Variants in EGLN1 observed in about 807,000 individuals in gnomAD.
EGLN1 encodes the protein egl-9 family hypoxia inducible factor 1, also known as egl nine homolog 1.
Under a neutral mutation model 38.3 loss-of-function variants are expected in EGLN1, and 17 were observed. That is an observed-to-expected ratio of 0.44 (90% CI 0.30 to 0.67). EGLN1 has a LOEUF of 0.67. Ranked by LOEUF, EGLN1 falls within the 30% of genes least tolerant of loss-of-function variation. EGLN1 has a pLI of 0.08. For missense variants in EGLN1, 477 were observed against 603.3 expected, an observed-to-expected ratio of 0.79 and a Z score of 2.19; for synonymous variants, 283 against 257.5, an observed-to-expected ratio of 1.10 and a Z score of -0.95.
intron 1 of EGLN1, among the ~76,000 whole-genome samples, chr1:231,412,746 T>C (rs1688986266): frequency 6.6e-6 from 1 of 152,184 alleles, no homozygotes; most frequent in Non-Finnish European, 1.5e-5. Flanking sequence ...ATATAACTTT[T>C]TTCTTGTTGC....
chr1:231,390,082 T>C (rs897049485), intron 1 of EGLN1, among the ~76,000 whole-genome samples: 2 of 152,224 alleles, frequency 1.3e-5, no homozygotes, highest in African/African-American at 4.8e-5. Context: ...AACTTCTCTG[T>C]ACCTAACTAC....
intron 1 of EGLN1, among the ~76,000 whole-genome samples, chr1:231,379,691 T>C (rs1157127676): frequency 1.3e-5 from 2 of 152,114 alleles, no homozygotes; most frequent in African/African-American, 2.4e-5. Context: ...ATCCCAAAGA[T>C]GCACACATTG....
At chr1:231,368,175 A>C (rs1029744293) in intron 3 of EGLN1, among the ~76,000 whole-genome samples, 1 of 152,196 alleles carries the variant, frequency 6.6e-6, no homozygotes, top group African/African-American at 2.4e-5. Context: ...TAGGTGACAG[A>C]GTGAGCCTCC....
Position 231,396,212 on chromosome 1 carries a change from C to T in EGLN1, c.892-22113G>A, listed in dbSNP as rs535955404. On this transcript the variant is annotated intron_variant, in intron 1 of 4. Coordinates refer to ENST00000366641, the MANE Select transcript of EGLN1 (RefSeq NM_022051.3). ...TACACATCCCCACCCCCTTCCTCTACTGACCCAGGCAGTTTTTGTTTTTTC... is the reference window on the plus strand; with the variant it reads ...TACACATCCCCACCCCCTTCCTCTATTGACCCAGGCAGTTTTTGTTTTTTC... Among the ~76,000 whole-genome samples, 3 of 151,470 alleles carry T rather than the reference C, an allele frequency of 2.0e-5. No individual in the cohort carries two copies. In the East Asian group the frequency reaches 5.8e-4, roughly 29 times the overall value.
chr1:231,367,720 G>GTT lies in EGLN1; in HGVS notation c.1149-85_1149-84insAA. 2.5e-6 allele frequency: 3 copies of GTT among 1,182,486 alleles called. No individual in the cohort carries two copies. The South Asian group carries it at 3.7e-5, about 14-fold the overall frequency. 73.2% of individuals were successfully genotyped at this position (1,182,486 alleles called of 1,614,324 possible). On this transcript the variant is annotated intron_variant, in intron 3 of 4. Transcript: ENST00000366641. ...TTGCTGCAATGGTATATTAAAACTT[G>GTT]TAATGCCAAAATTATGCCTAAACTG...
intron 1 of EGLN1, among the ~76,000 whole-genome samples, chr1:231,401,087 T>C (rs113557821): frequency 2.6e-5 from 4 of 152,186 alleles, no homozygotes; most frequent in African/African-American, 9.6e-5. Flanking sequence ...ATTTCTGTAA[T>C]GCATACAGTG....
At chr1:231,388,893 G>C (rs889901344) in intron 1 of EGLN1, among the ~76,000 whole-genome samples, 2 of 152,118 alleles carry the variant, frequency 1.3e-5, no homozygotes, top group African/African-American at 4.8e-5. Flanking sequence ...AACCTCAGGC[G>C]ATCTGCCCAC....
chr1:231,421,395 G>C lies in EGLN1; in HGVS notation c.494C>G (p.Pro165Arg), dbSNP rs780171999. 7 of 1,603,486 alleles carry C rather than the reference G, an allele frequency of 4.4e-6. No homozygotes were observed. The African/African-American group carries it at 5.4e-5, about 12-fold the overall frequency. ...CAGCGCATCCCCGGGCGTGTTGCTT[G>C]GGGGGTACAGGTTCGCCTTCTCCTG... ...LFQEKANLYP[P>R]SNTPGDALSP... The change falls in exon 1 of 5, where the codon CCA becomes CGA. Residue 165 changes from proline (P) to arginine (R), a missense_variant. Pro to Arg is a moderately radical substitution (Grantham distance 103, BLOSUM62 -2). Transcript: ENST00000366641. This position sits in a 1 kb window ranked among gnomAD's most constrained non-coding sequence, Gnocchi z 5.5.
chr1:231,382,561 A>T (rs1043525767), intron 1 of EGLN1, among the ~76,000 whole-genome samples: 13 of 152,250 alleles, frequency 8.5e-5, no homozygotes, highest in African/African-American at 3.1e-4. Context: ...TACACACTGT[A>T]TAGGGACCAC....
At chr1:231,397,565 G>A (rs1688561546) in intron 1 of EGLN1, among the ~76,000 whole-genome samples, 1 of 152,192 alleles carries the variant, frequency 6.6e-6, no homozygotes, top group Non-Finnish European at 1.5e-5. Context: ...TTGAGTAGTT[G>A]CAACAGAGAC....
In EGLN1 at chr1:231,374,052, A is replaced by G. The variant is rs777082260; in HGVS notation, c.939T>C (p.His313=). 77 of 1,613,428 alleles carry G rather than the reference A, an allele frequency of 4.8e-5. No homozygotes were observed. Among genetic ancestry groups the G allele is most frequent in the Middle Eastern group, 1.6e-4 (1 of 6,072 alleles). The stretch of plus-strand genomic sequence containing the variant: ...TTCCATCTCCATTTGGATTATCAAC[A>G]TGACGTACATAACCCGTTCCATTGC... ...YPGNGTGYVR[H]VDNPNGDGRC... is the part of the protein sequence containing the mutation. The change falls in exon 2 of 5, where the codon CAT becomes CAC. Residue 313 remains histidine (H), a synonymous_variant. Transcript: ENST00000366641.
chr1:231,370,512 CTCCTG>C, intron 3 of EGLN1, 45 bp downstream of exon 3: 1 of 1,601,056 alleles, frequency 6.2e-7, no homozygotes, highest in Non-Finnish European at 8.5e-7. Context: ...TACAGATTCC[CTCCTG>C]TCCTACCATA....
intron 1 of EGLN1, among the ~76,000 whole-genome samples, chr1:231,375,949 T>A (rs1687947562): frequency 6.6e-6 from 1 of 152,208 alleles, no homozygotes; most frequent in Non-Finnish European, 1.5e-5. Context: ...TCCAACTATC[T>A]GGTAACTTCA....
At chr1:231,387,941 T>G (rs1688263093) in intron 1 of EGLN1, among the ~76,000 whole-genome samples, 1 of 152,256 alleles carries the variant, frequency 6.6e-6, no homozygotes, top group Non-Finnish European at 1.5e-5. Flanking sequence ...TGGCCCAGGC[T>G]TAATCTTTAT....
intron 1 of EGLN1, among the ~76,000 whole-genome samples, chr1:231,392,791 A>T (rs186188670): frequency 6.6e-6 from 1 of 152,234 alleles, no homozygotes; most frequent in Non-Finnish European, 1.5e-5. Context: ...AAGCAGTCAC[A>T]GGTGAGATTT....
chr1:231,405,097 A>G (rs1442460091), intron 1 of EGLN1, among the ~76,000 whole-genome samples: 1 of 152,244 alleles, frequency 6.6e-6, no homozygotes, highest in Non-Finnish European at 1.5e-5. Flanking sequence ...CACCAAGAAC[A>G]GAGTTAAGGG....
At chr1:231,368,870 ACT>A (rs1289125330) in intron 3 of EGLN1, among the ~76,000 whole-genome samples, 1 of 152,058 alleles carries the variant, frequency 6.6e-6, no homozygotes, top group Admixed American at 6.5e-5. Flanking sequence ...TCCAGACCAG[ACT>A]CTGCTCTTTC....
chr1:231,364,037 C>T lies in EGLN1; in HGVS notation c.*2374G>A, dbSNP rs1013972961. On this transcript the variant is annotated 3_prime_UTR_variant, in exon 5 of 5. Transcript: ENST00000366641. ...TTTGAAATAGAGTCCTGCTTGGTGA[C>T]AAGTTAATAGTCCCACTAACATGAA... 1 of 152,114 alleles carries T rather than the reference C, an allele frequency of 6.6e-6. No individual in the cohort carries two copies. Among genetic ancestry groups the T allele is most frequent in the African/African-American group, 2.4e-5 (1 of 41,420 alleles). The allele number at this position is 152,114 out of a possible 1,614,324, so 9.4% of individuals were successfully genotyped here. A position where few individuals can be genotyped will look rare whatever the true frequency, so the allele number is the denominator to read the frequency against.
chr1:231,419,821 T>C (rs1656508047), intron 1 of EGLN1, among the ~76,000 whole-genome samples: 1 of 152,340 alleles, frequency 6.6e-6, no homozygotes, highest in East Asian at 1.9e-4. Flanking sequence ...TCGGGCAGCC[T>C]GAGAATCACA....
Sources: allele counts gnomAD v4.1 joint callset (sites outside exome capture counted in the v4.1 genomes callset), GRCh38; gene constraint gnomAD v4.1.1; non-coding constraint Gnocchi (gnomAD v3.1); transcripts MANE v1.5; gene names NCBI Gene and HGNC (gene_info 2026-07-23, HGNC 2026-07-21).